Variants in FGF2 observed in about 807,000 individuals in gnomAD.
FGF2 encodes the protein basic fibroblast growth factor bFGF.
In FGF2, 13 loss-of-function variants were observed where a neutral mutation model predicts 15.9. That is an observed-to-expected ratio of 0.82 (90% CI 0.53 to 1.30). FGF2 has a LOEUF of 1.30. FGF2 is among the 50% of genes most tolerant of loss of function. The pLI is 0.00. For missense variants in FGF2, 163 were observed against 196.9 expected (o/e 0.83, Z 1.03); for synonymous variants, 90 against 78.4 (o/e 1.15, Z -0.78).
chr4:122,826,723 C>G (rs1338662004), upstream of FGF2: 8 of 1,256,374 alleles, frequency 6.4e-6, no homozygotes, highest in South Asian at 3.1e-5. Flanking sequence ...CCAGAAAACC[C>G]GAGCGAGTAG....
At chr4:122,832,720 A>T (rs993208659) in intron 1 of FGF2, among the ~76,000 whole-genome samples, 5 of 152,222 alleles carry the variant, frequency 3.3e-5, no homozygotes, top group African/African-American at 9.6e-5. Flanking sequence ...TTGCATAATA[A>T]TTTGGAATAA....
chr4:122,861,032 G>T (rs778418969), intron 1 of FGF2, among the ~76,000 whole-genome samples: 2 of 152,154 alleles, frequency 1.3e-5, no homozygotes, highest in Non-Finnish European at 2.9e-5. Context: ...GTATCTTCCT[G>T]CACTAGCTCG....
intron 1 of FGF2, among the ~76,000 whole-genome samples, chr4:122,830,729 C>T (rs920575543): frequency 7.1e-6 from 1 of 141,000 alleles, no homozygotes; most frequent in African/African-American, 2.6e-5. Context: ...CCAAGCAGCA[C>T]GTACAACATG....
intron 1 of FGF2, among the ~76,000 whole-genome samples, chr4:122,845,434 TCTC>T (rs921785278): frequency 2.0e-5 from 3 of 152,182 alleles, no homozygotes; most frequent in African/African-American, 7.2e-5. Flanking sequence ...TGCGTTGACT[TCTC>T]CTCTCTAGCT....
intron 2 of FGF2, among the ~76,000 whole-genome samples, chr4:122,887,107 A>C (rs976631218): frequency 2.0e-5 from 3 of 152,154 alleles, no homozygotes; most frequent in Non-Finnish European, 4.4e-5. Flanking sequence ...CGACGTCAGG[A>C]GTTCGAGACC....
Position 122,894,020 on chromosome 4 carries a change from C to T in FGF2, c.*1624C>T, listed in dbSNP as rs1488181417. 2 of 152,152 alleles carry T rather than the reference C, an allele frequency of 1.3e-5. No individual in the cohort carries two copies. Among genetic ancestry groups the T allele is most frequent in the Non-Finnish European group, 2.9e-5 (2 of 68,026 alleles). 9.4% of individuals were successfully genotyped at this position (152,152 alleles called of 1,614,324 possible). A position where few individuals can be genotyped will look rare whatever the true frequency, so the allele number is the denominator to read the frequency against. Reference sequence around the variant, plus strand: ...AATGATATTTGCCCTTGCAGTAATTCTACTGGTGAAAAACATGCAAAGAAG... The same window carrying T: ...AATGATATTTGCCCTTGCAGTAATTTTACTGGTGAAAAACATGCAAAGAAG... On this transcript the variant is annotated 3_prime_UTR_variant, in exon 3 of 3. Transcript: ENST00000644866.
chr4:122,895,834 T>C lies in FGF2; in HGVS notation c.*3438T>C, dbSNP rs139580294. The C allele has an allele frequency of 1.3e-5, 2 of 152,374 alleles. No individual in the cohort carries two copies. Among genetic ancestry groups the C allele is most frequent in the African/African-American group, 4.8e-5 (2 of 41,590 alleles). The allele number at this position is 152,374 out of a possible 1,614,324, so 9.4% of individuals were successfully genotyped here. A position where few individuals can be genotyped will look rare whatever the true frequency, so the allele number is the denominator to read the frequency against. ...TACTGTTTGAGCCAATATAAATGTTTAACTGTTTGTGATGGCAGTATTCCT... is the reference window on the plus strand; with the variant it reads ...TACTGTTTGAGCCAATATAAATGTTCAACTGTTTGTGATGGCAGTATTCCT... On this transcript the variant is annotated 3_prime_UTR_variant, in exon 3 of 3. Coordinates refer to ENST00000644866, the MANE Select transcript of FGF2 (RefSeq NM_001361665.2).
rs1463879546 is a variant in FGF2 at position 122,827,109 on chromosome 4, C to T, written c.-66C>T. 24 of 1,253,564 alleles carry T rather than the reference C, an allele frequency of 1.9e-5. No individual in the cohort carries two copies. In the East Asian group the frequency reaches 2.3e-4, roughly 12 times the overall value. 77.7% of individuals were successfully genotyped at this position (1,253,564 alleles called of 1,614,324 possible). ...GCGGGTCGGAGGCCGGGGCCGGGGCCGGGGGACGGCGGCTCCCCGCGCGGC... is the reference window on the plus strand; with the variant it reads ...GCGGGTCGGAGGCCGGGGCCGGGGCTGGGGGACGGCGGCTCCCCGCGCGGC... On this transcript the variant is annotated 5_prime_UTR_variant, in exon 1 of 3. Transcript: ENST00000644866. The surrounding 1 kb of genome is among the most constrained non-coding windows in gnomAD (Gnocchi z 4.2).
chr4:122,888,895 A>C (rs1246673338), intron 2 of FGF2: 2 of 152,138 alleles, frequency 1.3e-5, no homozygotes, highest in Non-Finnish European at 2.9e-5. Context: ...CCCCAGCTAG[A>C]ATTTGAGTGG....
intron 2 of FGF2, among the ~76,000 whole-genome samples, chr4:122,880,021 C>A (rs931732444): frequency 6.6e-6 from 1 of 152,198 alleles, no homozygotes; most frequent in African/African-American, 2.4e-5. Context: ...AGTCGTAACT[C>A]ATTTCAGCAT....
At chr4:122,853,666 A>T (rs1013831509) in intron 1 of FGF2, among the ~76,000 whole-genome samples, 1 of 152,098 alleles carries the variant, frequency 6.6e-6, no homozygotes, top group African/African-American at 2.4e-5. Flanking sequence ...CTCCTGCTGC[A>T]CTTGGGTTAC....
At chr4:122,868,912 T>C (rs6817113) in intron 1 of FGF2, among the ~76,000 whole-genome samples, 21,273 of 152,244 alleles carry the variant, frequency 0.14, 1,617 homozygotes, top group Middle Eastern at 0.22. Flanking sequence ...CATGTAAATG[T>C]TGTCTTTTGA....
At chr4:122,849,479 A>G (rs1044588764) in intron 1 of FGF2, among the ~76,000 whole-genome samples, 1 of 152,188 alleles carries the variant, frequency 6.6e-6, no homozygotes, top group African/African-American at 2.4e-5. Flanking sequence ...GAGGGATAGC[A>G]TTAGGAGAAA....
At chr4:122,846,529 A>C (rs1474567524) in intron 1 of FGF2, among the ~76,000 whole-genome samples, 1 of 152,226 alleles carries the variant, frequency 6.6e-6, no homozygotes, top group Non-Finnish European at 1.5e-5. Context: ...AATGCTGAAA[A>C]TATTAGTCCA....
At chr4:122,854,577 G>C (rs539036116) in intron 1 of FGF2, among the ~76,000 whole-genome samples, 2 of 152,274 alleles carry the variant, frequency 1.3e-5, no homozygotes, top group Non-Finnish European at 2.9e-5. Context: ...CTGAAGAAGA[G>C]GTCCTGTTTT....
At chr4:122,828,004 T>C (rs900840176) in intron 1 of FGF2, among the ~76,000 whole-genome samples, 4 of 152,238 alleles carry the variant, frequency 2.6e-5, no homozygotes, top group Admixed American at 6.5e-5. Flanking sequence ...ATCTTCCACC[T>C]GCAGTGACTA....
At chr4:122,851,232 A>G (rs932221363) in intron 1 of FGF2, among the ~76,000 whole-genome samples, 2 of 152,158 alleles carry the variant, frequency 1.3e-5, no homozygotes, top group African/African-American at 4.8e-5. Context: ...TTGACCCTAG[A>G]TTGCTGGGTA....
intron 2 of FGF2, among the ~76,000 whole-genome samples, chr4:122,890,868 T>G (rs888812350): frequency 6.6e-6 from 1 of 152,188 alleles, no homozygotes; most frequent in Non-Finnish European, 1.5e-5. Flanking sequence ...ACATGTGTTT[T>G]CTATATAAGT....
chr4:122,852,156 ATGATTCTG>A (rs1726245145), intron 1 of FGF2, among the ~76,000 whole-genome samples: 1 of 152,238 alleles, frequency 6.6e-6, no homozygotes, highest in African/African-American at 2.4e-5. Context: ...TTTATATTTT[ATGATTCTG>A]TGGGTTGGCC....
Sources: gnomAD v4.1 joint callset for allele counts (sites outside exome capture counted in the v4.1 genomes callset) on GRCh38, gnomAD v4.1.1 for gene constraint, Gnocchi (gnomAD v3.1) non-coding constraint, MANE v1.5 for transcripts, NCBI Gene and HGNC (gene_info 2026-07-23, HGNC 2026-07-21) for gene names.